The following IL31RA variants were observed in gnomAD, a reference collection of about 807,000 sequenced individuals.
The protein encoded by IL31RA is interleukin-31 receptor subunit alpha.
A neutral mutation model predicts 83.7 loss-of-function variants in IL31RA; 66 were observed. That is an observed-to-expected ratio of 0.79 (90% CI 0.65 to 0.97). IL31RA has a LOEUF of 0.97. Ranked by LOEUF, IL31RA falls within the 50% of genes least tolerant of loss-of-function variation. IL31RA has a pLI of 0.00. For missense variants in IL31RA, 798 were observed against 919.4 expected (o/e 0.87, Z 1.71); for synonymous variants, 325 against 329.0 (o/e 0.99, Z 0.13).
chr5:55,850,830 C>CCT (rs1398460496), upstream of IL31RA, among the ~76,000 whole-genome samples: 7 of 152,190 alleles, frequency 4.6e-5, no homozygotes, highest in Admixed American at 2.0e-4. Context: ...GTGGCTCATG[C>CCT]CTGTAATCCC....
rs58223788 is a variant in IL31RA at position 55,918,375 on chromosome 5, A to C, written c.*1255A>C. Among the ~76,000 whole-genome samples the C allele has an allele frequency of 0.054, 8,292 of 152,274 alleles. 779 individuals are homozygous for C. The highest frequency in any genetic ancestry group is 0.19 in the African/African-American group (7,803 of 41,532). On this transcript the variant is annotated 3_prime_UTR_variant, in exon 15 of 15. Coordinates refer to ENST00000652347, the MANE Select transcript of IL31RA (RefSeq NM_139017.7). ...CATGAACTTCGCAAGCCACCCACTC[A>C]GGTGTGCAAAACATCACTTTACTTT...
At chr5:55,898,284 C>T (rs55748070) in intron 7 of IL31RA, among the ~76,000 whole-genome samples, 35,342 of 151,658 alleles carry the variant, frequency 0.23, 4,392 homozygotes, top group Middle Eastern at 0.3. Flanking sequence ...GCCTCCTCCC[C>T]GTCGCCTGTT....
chr5:55,886,803 G>A (rs1301431763), intron 5 of IL31RA, among the ~76,000 whole-genome samples: 1 of 152,046 alleles, frequency 6.6e-6, no homozygotes, highest in Non-Finnish European at 1.5e-5. Context: ...CACTCTTTCT[G>A]TGCCTTTCCT....
rs1184455752 is a variant in IL31RA, at chr5:55,922,195, G to C, written c.*5075G>C. Among the ~76,000 whole-genome samples the C allele has an allele frequency of 6.6e-6, 1 of 152,052 alleles. No individual in the cohort carries two copies. The highest frequency in any genetic ancestry group is 2.4e-5 in the African/African-American group (1 of 41,386). ...CCAATCCATGCTGGAAGAGACCCCA[G>C]GCCACAATAGCCCTTGACACAGAGC... On this transcript the variant is annotated 3_prime_UTR_variant, in exon 15 of 15. Transcript: ENST00000652347.
rs751182158 is a variant in IL31RA at position 55,920,718 on chromosome 5, A to T, written c.*3598A>T. On this transcript the variant is annotated 3_prime_UTR_variant, in exon 15 of 15. Coordinates refer to ENST00000652347, the MANE Select transcript of IL31RA (RefSeq NM_139017.7). ...AGCTGCAAATTAAAAAGAAATCAGG[A>T]TATGTCATTCTGAATTTCTGACCAA... Among the ~76,000 whole-genome samples, 1 of 152,216 alleles carries T rather than the reference A, an allele frequency of 6.6e-6. No individual in the cohort carries two copies. Among genetic ancestry groups the T allele is most frequent in the Admixed American group, 6.5e-5 (1 of 15,288 alleles).
chr5:55,900,044 C>T lies in IL31RA; in HGVS notation c.981C>T (p.Gly327=). ...TNQQLELHLG[G]ESFWVSMISY... Reference sequence around the variant, plus strand: ...AGCAGCTTGAACTGCATCTGGGAGGCGAGAGCTTTTGGGTGTCTATGATTT... The same window carrying T: ...AGCAGCTTGAACTGCATCTGGGAGGTGAGAGCTTTTGGGTGTCTATGATTT... Residue 327 remains glycine (G), a synonymous_variant, in exon 8 of 15, where the codon GGC becomes GGT. Transcript: ENST00000652347. The T allele has an allele frequency of 3.7e-6, 6 of 1,614,044 alleles. No homozygotes were observed. The highest frequency in any genetic ancestry group is 2.2e-5 in the East Asian group (1 of 44,876).
intron 1 of IL31RA, among the ~76,000 whole-genome samples, chr5:55,858,699 T>G (rs1580649572): frequency 6.6e-6 from 1 of 152,248 alleles, no homozygotes; most frequent in South Asian, 2.1e-4. Flanking sequence ...GAATTACTGG[T>G]TTTACATTTG....
intron 6 of IL31RA, among the ~76,000 whole-genome samples, chr5:55,894,748 G>A (rs533076127): frequency 3.7e-4 from 57 of 152,192 alleles, no homozygotes; most frequent in African/African-American, 1.3e-3. Flanking sequence ...GACACGACTC[G>A]CTCTGTTTCC....
intron 1 of IL31RA, among the ~76,000 whole-genome samples, chr5:55,858,843 G>C (rs1309908976): frequency 1.3e-5 from 2 of 152,182 alleles, no homozygotes; most frequent in African/African-American, 4.8e-5. Flanking sequence ...AGATACCAAG[G>C]CTTCAAAGAG....
intron 7 of IL31RA, among the ~76,000 whole-genome samples, chr5:55,899,430 G>A (rs1748671080): frequency 6.6e-6 from 1 of 152,224 alleles, no homozygotes; most frequent in Non-Finnish European, 1.5e-5. Context: ...GCCTGGCTGG[G>A]GCGCCTGGTC....
intron 11 of IL31RA, among the ~76,000 whole-genome samples, chr5:55,909,727 G>A (rs1401280458): frequency 3.5e-5 from 5 of 142,860 alleles, no homozygotes; most frequent in South Asian, 2.2e-4. Flanking sequence ...TTTTTGAGAC[G>A]GAGTTTTGCT....
In IL31RA at chr5:55,896,411, A is replaced by T; in HGVS notation, c.834A>T (p.Pro278=). Residue 278 remains proline, a synonymous_variant, in exon 7 of 15, where the codon CCA becomes CCT. Coordinates refer to ENST00000652347, the MANE Select transcript of IL31RA (RefSeq NM_139017.7). ...LKPAEADGRR[P]VRLLWKKARG... is the part of the protein sequence containing the mutation. ...CAGCTGAGGCGGATGGAAGAAGGCCAGTGCGGTTGTTATGGAAGGTGACCT... is the reference window on the plus strand; with the variant it reads ...CAGCTGAGGCGGATGGAAGAAGGCCTGTGCGGTTGTTATGGAAGGTGACCT... 6.2e-7 allele frequency: 1 copy of T among 1,613,082 alleles called. No individual in the cohort carries two copies. Among genetic ancestry groups the T allele is most frequent in the Admixed American group, 1.7e-5 (1 of 60,020 alleles).
At chr5:55,862,204 T>C (rs1745729626) in intron 2 of IL31RA, among the ~76,000 whole-genome samples, 1 of 152,214 alleles carries the variant, frequency 6.6e-6, no homozygotes, top group Non-Finnish European at 1.5e-5. Flanking sequence ...TTTGACTAAT[T>C]TTAGATTTAT....
chr5:55,842,443 C>T, the IL31RA span, among the ~76,000 whole-genome samples: 3 of 152,124 alleles, frequency 2.0e-5, no homozygotes, highest in Non-Finnish European at 2.9e-5. Flanking sequence ...GCTTTGAGGC[C>T]CCATTGCAGG....
intron 8 of IL31RA, among the ~76,000 whole-genome samples, chr5:55,904,365 A>G (rs987692996): frequency 1.3e-5 from 2 of 152,164 alleles, no homozygotes; most frequent in African/African-American, 2.4e-5. Context: ...TGGAGCGCCA[A>G]CATTGGCTGC....
Position 55,859,504 on chromosome 5 carries a change from T to C in IL31RA, c.64-5T>C. 1 of 1,611,824 alleles carries C rather than the reference T, an allele frequency of 6.2e-7. No individual in the cohort carries two copies. Among genetic ancestry groups the C allele is most frequent in the South Asian group, 1.1e-5 (1 of 91,034 alleles). Reference sequence around the variant, plus strand: ...AAACCAACTCTTGACTGATGTCATTTTCAGCTCTCTCCCCAGCCTTCATGT... The same window carrying C: ...AAACCAACTCTTGACTGATGTCATTCTCAGCTCTCTCCCCAGCCTTCATGT... On this transcript the variant is annotated splice_polypyrimidine_tract_variant and splice_region_variant and intron_variant, in intron 1 of 14. Transcript: ENST00000652347.
At chr5:55,904,296 G>A (rs887822578) in intron 8 of IL31RA, among the ~76,000 whole-genome samples, 18 of 152,194 alleles carry the variant, frequency 1.2e-4, no homozygotes, top group African/African-American at 4.1e-4. Context: ...ACATCTCATA[G>A]TCATCCCAGC....
At chr5:55,847,252 T>A (rs1464380335), upstream of IL31RA, among the ~76,000 whole-genome samples, 11 of 77,300 alleles carry the variant, frequency 1.4e-4, 1 homozygote, top group Admixed American at 4.0e-4. Flanking sequence ...TAAAAATAAA[T>A]AAATAAATAA....
intron 1 of IL31RA, among the ~76,000 whole-genome samples, chr5:55,857,097 A>ATTTTTT (rs35485505): frequency 6.9e-6 from 1 of 145,956 alleles, no homozygotes; most frequent in Non-Finnish European, 1.5e-5. Flanking sequence ...ACCTTTTTGC[A>ATTTTTT]TTTTTTTTTT....
Sources: gnomAD v4.1 joint callset for allele counts (sites outside exome capture counted in the v4.1 genomes callset) on GRCh38, gnomAD v4.1.1 for gene constraint, MANE v1.5 for transcripts, NCBI Gene and HGNC (gene_info 2026-07-23, HGNC 2026-07-21) for gene names.